Variants in NEO1 observed in about 807,000 individuals in gnomAD.
NEO1 encodes neogenin.
NEO1 carries 63 observed loss-of-function variants against 159.7 expected under a neutral mutation model. The observed-to-expected ratio is 0.39, with a 90% CI of 0.32 to 0.49. NEO1 has a LOEUF of 0.49. NEO1 is among the 20% of genes least tolerant of loss of function. The pLI is 0.85. For missense variants in NEO1, 1,615 were observed against 1,831.0 expected, an observed-to-expected ratio of 0.88 and a Z score of 2.15; for synonymous variants, 633 against 662.0, an observed-to-expected ratio of 0.96 and a Z score of 0.67.
At position 73,273,875 on chromosome 15, in the gene NEO1, T is replaced by C; in HGVS notation, c.3030T>C (p.Val1010=). 3.1e-6 allele frequency: 5 copies of C among 1,614,170 alleles called. No individual in the cohort carries two copies. Among genetic ancestry groups the C allele is most frequent in the Non-Finnish European group, 4.2e-6 (5 of 1,180,016 alleles). ...TACATGACTGGGTTATTGAGCCTGT[T>C]GTGGGAAACAGACTGACTCACCAGA... ...AEIHDWVIEP[V]VGNRLTHQIQ... Residue 1010 remains valine, a synonymous_variant, in exon 20 of 29, where the codon GTT becomes GTC. Coordinates refer to ENST00000261908, the MANE Select transcript of NEO1 (RefSeq NM_002499.4).
chr15:73,187,168 T>C (rs561333677), intron 7 of NEO1, among the ~76,000 whole-genome samples: 1 of 152,342 alleles, frequency 6.6e-6, no homozygotes, highest in African/African-American at 2.4e-5. Context: ...TAACAACTAT[T>C]ACAAAATATT....
intron 5 of NEO1, among the ~76,000 whole-genome samples, chr15:73,176,035 C>T (rs2035264213): frequency 6.6e-6 from 1 of 152,102 alleles, no homozygotes; most frequent in African/African-American, 2.4e-5. Flanking sequence ...CAATCTTTTC[C>T]ACTCTTTGAA....
intron 1 of NEO1, among the ~76,000 whole-genome samples, chr15:73,104,163 AATT>A (rs2070554301): frequency 6.6e-6 from 1 of 152,128 alleles, no homozygotes; most frequent in Non-Finnish European, 1.5e-5. Flanking sequence ...CGACTGGCCA[AATT>A]ATTATTTTAA....
intron 7 of NEO1, among the ~76,000 whole-genome samples, chr15:73,194,408 G>T (rs753216313): frequency 2.0e-5 from 3 of 152,156 alleles, no homozygotes; most frequent in Non-Finnish European, 4.4e-5. Context: ...GGTTCTGCAG[G>T]CTGTACAAGA....
At position 73,246,392 on chromosome 15, in the gene NEO1, A is replaced by C. The variant is rs117989442; in HGVS notation, c.1606+1894A>C. Among the ~76,000 whole-genome samples, 813 of 152,308 alleles carry C rather than the reference A, an allele frequency of 5.3e-3. 1 individual carries two copies. The highest frequency in any genetic ancestry group is 9.0e-3 in the Non-Finnish European group (614 of 68,022). ...TTACAGGCAGAATGTTGAATTTTAC[A>C]GTTACCTATGTTCAGACAAGAGCAG... On this transcript the variant is annotated intron_variant, in intron 9 of 28. Coordinates refer to ENST00000261908, the MANE Select transcript of NEO1 (RefSeq NM_002499.4).
In NEO1 at chr15:73,283,110, A is replaced by G. The variant is rs1175619286; in HGVS notation, c.3409A>G (p.Lys1137Glu). The part of the protein sequence containing the change: ...CTRRTTSHQK[K>E]KRAACKSVNG... ...CCGTCGTACCACCTCTCACCAGAAA[A>G]AGTAAGAAGCCCCAGATGCACCCCT... Residue 1137 changes from lysine to glutamate, a missense_variant and splice_region_variant, in exon 23 of 29, where the codon AAG (lysine) becomes GAG (glutamate). By Grantham distance (56) the Lys-to-Glu change is moderately conservative. This residue lies in a region of NEO1 where 471 missense variants were observed against 498.9 expected (regional missense o/e 0.94). Transcript: ENST00000261908. 1 of 1,613,852 alleles carries G rather than the reference A, an allele frequency of 6.2e-7. No homozygotes were observed. Among genetic ancestry groups the G allele is most frequent in the East Asian group, 2.2e-5 (1 of 44,886 alleles).
intron 5 of NEO1, among the ~76,000 whole-genome samples, chr15:73,150,465 C>T (rs573356809): frequency 5.3e-5 from 8 of 152,276 alleles, no homozygotes; most frequent in Admixed American, 3.3e-4. Flanking sequence ...CAAATACCCA[C>T]CACCTTCAGT....
chr15:73,109,039 C>G (rs2070833693), intron 1 of NEO1, among the ~76,000 whole-genome samples: 1 of 152,028 alleles, frequency 6.6e-6, no homozygotes. Context: ...CTGGGGAGTT[C>G]TTTAAAGATT....
At chr15:73,237,057 C>T (rs1008817073) in intron 8 of NEO1, among the ~76,000 whole-genome samples, 7 of 152,218 alleles carry the variant, frequency 4.6e-5, no homozygotes, top group African/African-American at 1.7e-4. Flanking sequence ...ATCTGTCCAA[C>T]TTGCTTTTCC....
At chr15:73,223,178 TC>T (rs2038385891) in intron 7 of NEO1, among the ~76,000 whole-genome samples, 1 of 152,232 alleles carries the variant, frequency 6.6e-6, no homozygotes, top group East Asian at 1.9e-4. Context: ...ATTTCAGTTT[TC>T]TTAGATTTAT....
chr15:73,119,095 T>C (rs1221048103), intron 2 of NEO1, among the ~76,000 whole-genome samples: 1 of 152,172 alleles, frequency 6.6e-6, no homozygotes, highest in African/African-American at 2.4e-5. Context: ...GTTCCACTTG[T>C]AGGTGTCCTG....
chr15:73,119,364 GC>G (rs773313767), intron 2 of NEO1, among the ~76,000 whole-genome samples: 7 of 152,176 alleles, frequency 4.6e-5, no homozygotes, highest in Non-Finnish European at 1.0e-4. Context: ...ACTGATTGTA[GC>G]CAAGTCAAGC....
chr15:73,155,294 C>T (rs1022763029), intron 5 of NEO1, among the ~76,000 whole-genome samples: 1 of 152,018 alleles, frequency 6.6e-6, no homozygotes, highest in Non-Finnish European at 1.5e-5. Context: ...TCTCTTCTGG[C>T]TTATAAGGAT....
rs188782912 is a variant in NEO1 at position 73,136,108 on chromosome 15, C to T, written c.1015+81C>T. 1.7e-5 allele frequency: 21 copies of T among 1,232,528 alleles called. No homozygotes were observed. The East Asian group carries it at 1.8e-4, about 10-fold the overall frequency. 76.3% of individuals were successfully genotyped at this position (1,232,528 alleles called of 1,614,324 possible). On this transcript the variant is annotated intron_variant, in intron 5 of 28. Transcript: ENST00000261908. ...AATTTTTAAGAAATATTAACATGGG[C>T]GAGGCAATACAGCAAAACAATTAAA...
chr15:73,136,520 G>A (rs2031782085), intron 5 of NEO1, among the ~76,000 whole-genome samples: 1 of 152,060 alleles, frequency 6.6e-6, no homozygotes, highest in African/African-American at 2.4e-5. Context: ...CTCTCTGTTG[G>A]TGTCCTTTTC....
chr15:73,218,210 T>C (rs2150736495), intron 7 of NEO1, among the ~76,000 whole-genome samples: 1 of 152,240 alleles, frequency 6.6e-6, no homozygotes, highest in East Asian at 1.9e-4. Flanking sequence ...TTGGTTCTGT[T>C]TATATGCTGG....
At position 73,234,340 on chromosome 15, in the gene NEO1, C is replaced by A. The variant is rs116911284; in HGVS notation, c.1292-2007C>A. 5.7e-3 allele frequency among the ~76,000 whole-genome samples: 864 copies of A among 152,296 alleles called. 5 individuals are homozygous for A. Among genetic ancestry groups the A allele is most frequent in the South Asian group, 0.018 (89 of 4,822 alleles). On this transcript the variant is annotated intron_variant, in intron 7 of 28. Coordinates refer to ENST00000261908, the MANE Select transcript of NEO1 (RefSeq NM_002499.4). ...GCATATTCAAAACCAAATTCATAAT[C>A]TCCCCCTCAATCTGTTGTCTTCTCT...
chr15:73,165,492 C>T (rs2034509528), intron 5 of NEO1, among the ~76,000 whole-genome samples: 1 of 152,126 alleles, frequency 6.6e-6, no homozygotes, highest in South Asian at 2.1e-4. Context: ...GAATTCAAAC[C>T]ATCCAGTAGT....
At chr15:73,120,509 G>A (rs1409445975) in intron 2 of NEO1, among the ~76,000 whole-genome samples, 6 of 151,502 alleles carry the variant, frequency 4.0e-5, no homozygotes, top group African/African-American at 1.5e-4. Flanking sequence ...CTCATGATTT[G>A]TTTGCTCTTC....
Sources: gnomAD v4.1 joint callset for allele counts (sites outside exome capture counted in the v4.1 genomes callset) on GRCh38, gnomAD v4.1.1 for gene constraint, gnomAD v4.1.1 regional missense constraint, MANE v1.5 for transcripts, NCBI Gene and HGNC (gene_info 2026-07-23, HGNC 2026-07-21) for gene names.